Variants in ZNF251 observed in about 807,000 individuals in gnomAD.
ZNF251 encodes zinc finger protein 251.
A neutral mutation model predicts 13.5 loss-of-function variants in ZNF251; 14 were observed. The ratio of observed to expected loss-of-function variants is 1.04; its 90% CI spans 0.69 to 1.63. The LOEUF (loss-of-function observed/expected upper bound fraction) is 1.63, where lower values mean the gene tolerates loss of function less well. Ranked by LOEUF, ZNF251 falls within the 40% of genes most tolerant of loss-of-function variation. The pLI is 0.00. For missense variants in ZNF251, 764 were observed against 834.9 expected (o/e 0.92, Z 1.05); for synonymous variants, 287 against 295.2 (o/e 0.97, Z 0.28).
chr8:144,750,190 T>C (rs1322431878), intron 4 of ZNF251, among the ~76,000 whole-genome samples: 9 of 152,362 alleles, frequency 5.9e-5, no homozygotes, highest in Non-Finnish European at 1.0e-4. Context: ...CTCTTCAAAC[T>C]GCATTTTCTG....
At chr8:144,733,930 G>A (rs1011069418) in intron 4 of ZNF251, among the ~76,000 whole-genome samples, 1 of 152,250 alleles carries the variant, frequency 6.6e-6, no homozygotes, top group Non-Finnish European at 1.5e-5. Flanking sequence ...GCGCCTGGCT[G>A]ACTAAAATCA....
chr8:144,732,640 G>A (rs532666626), intron 4 of ZNF251, among the ~76,000 whole-genome samples: 150 of 151,636 alleles, frequency 9.9e-4, no homozygotes, highest in Non-Finnish European at 1.5e-3. Flanking sequence ...GTGAAACCCC[G>A]TCTCTACTAA....
In ZNF251 at chr8:144,755,411, G is replaced by C. The variant is rs934492479; in HGVS notation, c.-82C>G. ...TGGTCCGACACTGCCCCACCTGTTT[G>C]CTCGACCCGGGGAAGCCACCGAGGA... On this transcript the variant is annotated 5_prime_UTR_variant, in exon 1 of 5. Transcript: ENST00000292562. 8.5e-6 allele frequency: 11 copies of C among 1,288,350 alleles called. No individual in the cohort carries two copies. The African/African-American group carries it at 1.7e-4, about 20-fold the overall frequency. 79.8% of individuals were successfully genotyped at this position (1,288,350 alleles called of 1,614,324 possible). A position where few individuals can be genotyped will look rare whatever the true frequency, so the allele number is the denominator to read the frequency against.
At chr8:144,737,655 AC>A (rs1225929082) in intron 4 of ZNF251, among the ~76,000 whole-genome samples, 4 of 150,070 alleles carry the variant, frequency 2.7e-5, no homozygotes, top group African/African-American at 4.9e-5. Flanking sequence ...ACACGGTGAA[AC>A]CCCGTCTCTA....
chr8:144,735,705 C>T (rs1436160274), intron 4 of ZNF251, among the ~76,000 whole-genome samples: 2 of 152,196 alleles, frequency 1.3e-5, no homozygotes, highest in African/African-American at 2.4e-5. Context: ...GTGACAACAG[C>T]CAGAGCTCAC....
At chr8:144,732,637 C>A (rs367557809) in intron 4 of ZNF251, among the ~76,000 whole-genome samples, 4 of 151,366 alleles carry the variant, frequency 2.6e-5, no homozygotes, top group South Asian at 2.1e-4. Context: ...ACGGTGAAAC[C>A]CCGTCTCTAC....
chr8:144,732,768 C>A (rs1013131986), intron 4 of ZNF251, among the ~76,000 whole-genome samples: 6 of 145,378 alleles, frequency 4.1e-5, no homozygotes, highest in Non-Finnish European at 9.0e-5. Flanking sequence ...GCCAAGATCG[C>A]ACCACTGCAC....
chr8:144,726,609 G>A (rs1301864002), intron 4 of ZNF251, among the ~76,000 whole-genome samples: 3 of 151,792 alleles, frequency 2.0e-5, no homozygotes, highest in Non-Finnish European at 4.4e-5. Flanking sequence ...GGTGGCTCAC[G>A]CCTGTAATCC....
In ZNF251 at chr8:144,730,140, C is replaced by A. The variant is rs140695676; in HGVS notation, c.278-6758G>T. The A allele has an allele frequency of 3.9e-5, 38 of 984,608 alleles. No individual in the cohort carries two copies. In the East Asian group the frequency reaches 4.1e-3, roughly 106 times the overall value. 61.0% of individuals were successfully genotyped at this position (984,608 alleles called of 1,614,324 possible). On this transcript the variant is annotated intron_variant, in intron 4 of 4. Transcript: ENST00000292562. Reference sequence around the variant, plus strand: ...AAAGTGCCAAAAGAGAACTCAGGAACCAAACAGGGAAGTGGAGAGCCATGT... The same window carrying A: ...AAAGTGCCAAAAGAGAACTCAGGAAACAAACAGGGAAGTGGAGAGCCATGT...
intron 4 of ZNF251, among the ~76,000 whole-genome samples, chr8:144,732,618 C>A (rs549811500): frequency 4.8e-4 from 73 of 151,158 alleles, no homozygotes; most frequent in Non-Finnish European, 7.2e-4. Context: ...GGAGACCATC[C>A]TGGCCAACAC....
At chr8:144,730,107 T>C in intron 4 of ZNF251, 1 of 985,248 alleles carries the variant, frequency 1.0e-6, no homozygotes, top group Non-Finnish European at 1.2e-6. Flanking sequence ...ATCACCAGAG[T>C]CGGCTGAAAA....
chr8:144,732,757 A>C (rs559989180), intron 4 of ZNF251, among the ~76,000 whole-genome samples: 1 of 149,334 alleles, frequency 6.7e-6, no homozygotes, highest in Admixed American at 6.8e-5. Flanking sequence ...GCTTGCAGTG[A>C]GCCAAGATCG....
intron 4 of ZNF251, among the ~76,000 whole-genome samples, chr8:144,736,438 G>C (rs1823893776): frequency 6.6e-6 from 1 of 151,600 alleles, no homozygotes; most frequent in South Asian, 2.1e-4. Context: ...AAACCCTCGG[G>C]AGTTCACCTT....
In ZNF251 at chr8:144,722,784, G is replaced by C. The variant is rs1316167612; in HGVS notation, c.876C>G (p.Pro292=). Residue 292 remains proline (P), a synonymous_variant, in exon 5 of 5, where the codon CCC becomes CCG. Coordinates refer to ENST00000292562, the MANE Select transcript of ZNF251 (RefSeq NM_138367.2). This position sits in a 1 kb window ranked among gnomAD's most constrained non-coding sequence, Gnocchi z 4.8. The part of the protein sequence containing the change: ...LHRRIHTGEK[P]FGCGECGKAF... ...CCTTCCCACACTCACCACAGCCAAAGGGTTTTTCTCCAGTGTGAATTCTCC... is the reference window on the plus strand; with the variant it reads ...CCTTCCCACACTCACCACAGCCAAACGGTTTTTCTCCAGTGTGAATTCTCC... The C allele has an allele frequency of 6.2e-7, 1 of 1,613,970 alleles. No homozygotes were observed. Among genetic ancestry groups the C allele is most frequent in the African/African-American group, 1.3e-5 (1 of 74,926 alleles).
At chr8:144,746,105 T>C (rs1356437990) in intron 4 of ZNF251, among the ~76,000 whole-genome samples, 1 of 152,244 alleles carries the variant, frequency 6.6e-6, no homozygotes, top group Non-Finnish European at 1.5e-5. Flanking sequence ...TCGTTGCCAG[T>C]ATAAAGGAAA....
At chr8:144,724,426 G>A (rs1372878281) in intron 4 of ZNF251, among the ~76,000 whole-genome samples, 1 of 152,018 alleles carries the variant, frequency 6.6e-6, no homozygotes, top group African/African-American at 2.4e-5. Flanking sequence ...GACCTCTCAG[G>A]CTCAAGCAAT....
intron 4 of ZNF251, among the ~76,000 whole-genome samples, chr8:144,740,981 A>G (rs1174735594): frequency 6.6e-6 from 1 of 152,174 alleles, no homozygotes; most frequent in African/African-American, 2.4e-5. Context: ...AAATAAATAA[A>G]TAAAAATAAT....
intron 4 of ZNF251, among the ~76,000 whole-genome samples, chr8:144,732,780 C>A (rs1182071181): frequency 1.3e-5 from 2 of 148,332 alleles, no homozygotes; most frequent in East Asian, 4.0e-4. Context: ...CCACTGCACT[C>A]CAGCCTGGGC....
intron 4 of ZNF251, among the ~76,000 whole-genome samples, chr8:144,744,149 A>T (rs1222964051): frequency 1.3e-5 from 2 of 151,054 alleles, no homozygotes; most frequent in Non-Finnish European, 2.9e-5. Flanking sequence ...GAGTAGCTGG[A>T]ATTACAGGTG....
Sources: gnomAD v4.1 joint callset for allele counts (sites outside exome capture counted in the v4.1 genomes callset) on GRCh38, gnomAD v4.1.1 for gene constraint, Gnocchi (gnomAD v3.1) non-coding constraint, MANE v1.5 for transcripts, NCBI Gene and HGNC (gene_info 2026-07-23, HGNC 2026-07-21) for gene names.